The following ARHGAP24 variants were observed in gnomAD, a reference collection of about 807,000 sequenced individuals.
ARHGAP24 encodes Rho GTPase activating protein 24, also known as rho GTPase-activating protein 24.
In ARHGAP24, 50 loss-of-function variants were observed where a neutral mutation model predicts 76.4. The observed-to-expected ratio is 0.65, with a 90% CI of 0.52 to 0.83. The LOEUF (loss-of-function observed/expected upper bound fraction) is 0.83. Among genes scored for constraint, ARHGAP24 ranks in the 40% least tolerant of loss-of-function variants. The probability of loss-of-function intolerance (pLI) is 0.00; values close to 1 mark genes in which losing one functional copy is unlikely to be tolerated. For missense variants in ARHGAP24, 930 were observed against 914.2 expected (o/e 1.02, Z -0.22); for synonymous variants, 345 against 323.3 (o/e 1.07, Z -0.72).
intron 4 of ARHGAP24, among the ~76,000 whole-genome samples, chr4:85,934,026 C>A (rs1056084775): frequency 2.0e-5 from 3 of 152,194 alleles, no homozygotes; most frequent in Admixed American, 2.0e-4. Flanking sequence ...ATGTATGCAA[C>A]TTACTTTAAC....
intron 3 of ARHGAP24, among the ~76,000 whole-genome samples, chr4:85,828,651 T>C (rs1243051516): frequency 6.6e-6 from 1 of 152,176 alleles, no homozygotes; most frequent in Non-Finnish European, 1.5e-5. Context: ...ACATTCTGTG[T>C]ACACAGGACA....
chr4:85,669,835 A>C (rs1722765080), intron 2 of ARHGAP24, among the ~76,000 whole-genome samples: 1 of 151,792 alleles, frequency 6.6e-6, no homozygotes, highest in Non-Finnish European at 1.5e-5. Context: ...TCTACTATAA[A>C]GTACAATAAA....
intron 3 of ARHGAP24, among the ~76,000 whole-genome samples, chr4:85,833,227 A>G (rs1287910456): frequency 6.6e-6 from 1 of 152,090 alleles, no homozygotes; most frequent in African/African-American, 2.4e-5. Flanking sequence ...TTGATATGAC[A>G]ATGGAATGAC....
At chr4:85,497,055 C>T (rs1175627965) in intron 1 of ARHGAP24, among the ~76,000 whole-genome samples, 1 of 152,098 alleles carries the variant, frequency 6.6e-6, no homozygotes, top group Non-Finnish European at 1.5e-5. Flanking sequence ...TGAATTTGTA[C>T]ACTGTTGATA....
intron 2 of ARHGAP24, among the ~76,000 whole-genome samples, chr4:85,674,345 C>G (rs1256517496): frequency 1.3e-5 from 2 of 152,182 alleles, no homozygotes; most frequent in Admixed American, 1.3e-4. Flanking sequence ...AGTTCTCTAA[C>G]TCTCAAATTC....
intron 3 of ARHGAP24, among the ~76,000 whole-genome samples, chr4:85,872,729 C>T (rs1732611742): frequency 6.7e-6 from 1 of 148,954 alleles, no homozygotes; most frequent in East Asian, 2.1e-4. Context: ...ACCCAAATAG[C>T]TGGGATTACA....
chr4:85,823,849 T>TCCCTC (rs1031932060), intron 3 of ARHGAP24, among the ~76,000 whole-genome samples: 3 of 144,088 alleles, frequency 2.1e-5, no homozygotes, highest in African/African-American at 5.2e-5. Context: ...CTCCCTCCCT[T>TCCCTC]CCCTCCCCTC....
intron 3 of ARHGAP24, among the ~76,000 whole-genome samples, chr4:85,806,651 A>G (rs1282034093): frequency 1.3e-5 from 2 of 152,156 alleles, no homozygotes; most frequent in Non-Finnish European, 2.9e-5. Context: ...AAAAACATGC[A>G]CAAAAATGGG....
chr4:85,982,282 G>T (rs1739711521), intron 8 of ARHGAP24, among the ~76,000 whole-genome samples: 1 of 151,848 alleles, frequency 6.6e-6, no homozygotes, highest in Admixed American at 6.6e-5. Flanking sequence ...CCTCTTTTGT[G>T]GATAAGAAAC....
At chr4:85,861,930 C>G (rs777306473) in intron 3 of ARHGAP24, among the ~76,000 whole-genome samples, 1 of 152,098 alleles carries the variant, frequency 6.6e-6, no homozygotes, top group Non-Finnish European at 1.5e-5. Context: ...ATTCCCCAAA[C>G]TTAAGTCAAC....
Position 85,972,203 on chromosome 4 carries a change from G to T in ARHGAP24, c.732+35G>T, listed in dbSNP as rs1739028946. ...TGCATTTATTTCCAAATAAGCTTTT[G>T]TTTGGAATTTTTTTCTGTGTTCTTA... On this transcript the variant is annotated intron_variant, in intron 6 of 9. Transcript: ENST00000395184. 3 of 1,610,824 alleles carry T rather than the reference G, an allele frequency of 1.9e-6. No homozygotes were observed. The Middle Eastern group carries it at 5.0e-4, about 266-fold the overall frequency.
intron 2 of ARHGAP24, among the ~76,000 whole-genome samples, chr4:85,706,727 G>A (rs373281992): frequency 5.9e-5 from 9 of 151,638 alleles, no homozygotes; most frequent in East Asian, 5.8e-4. Flanking sequence ...CACCATGCCC[G>A]GCTAATTTTT....
chr4:85,547,293 A>C (rs1223150100), intron 1 of ARHGAP24, among the ~76,000 whole-genome samples: 1 of 152,174 alleles, frequency 6.6e-6, no homozygotes, highest in African/African-American at 2.4e-5. Context: ...GCTATTTTGC[A>C]ATATGTCCCT....
chr4:85,717,130 C>T (rs1461728513), intron 2 of ARHGAP24, among the ~76,000 whole-genome samples: 4 of 152,056 alleles, frequency 2.6e-5, no homozygotes, highest in South Asian at 4.1e-4. Flanking sequence ...ATGGTTTTGG[C>T]TCAAGTGCAT....
At chr4:85,744,647 C>T (rs998688257) in intron 3 of ARHGAP24, among the ~76,000 whole-genome samples, 1 of 152,130 alleles carries the variant, frequency 6.6e-6, no homozygotes, top group Non-Finnish European at 1.5e-5. Context: ...CCTCCACCCT[C>T]CACGCGTTAG....
At chr4:85,598,702 G>C (rs1438805302) in intron 2 of ARHGAP24, among the ~76,000 whole-genome samples, 1 of 150,184 alleles carries the variant, frequency 6.7e-6, no homozygotes, top group Non-Finnish European at 1.5e-5. Context: ...TAGGAACTTG[G>C]ATATTAATAT....
intron 2 of ARHGAP24, among the ~76,000 whole-genome samples, chr4:85,609,415 T>A (rs1720310579): frequency 6.6e-6 from 1 of 152,226 alleles, no homozygotes; most frequent in Non-Finnish European, 1.5e-5. Context: ...ATTACTCTGT[T>A]TCAGAACTGA....
intron 2 of ARHGAP24, among the ~76,000 whole-genome samples, chr4:85,615,802 T>A (rs1313721793): frequency 6.6e-6 from 1 of 152,208 alleles, no homozygotes; most frequent in Admixed American, 6.5e-5. Context: ...AAAGCTAGTT[T>A]TTCAATCAAT....
intron 2 of ARHGAP24, among the ~76,000 whole-genome samples, chr4:85,640,400 G>A (rs148087100): frequency 7.3e-4 from 111 of 152,236 alleles, no homozygotes; most frequent in African/African-American, 2.4e-3. Context: ...GCCCCTTGTG[G>A]CATGGCATGC....
Sources: gnomAD v4.1 joint callset for allele counts (sites outside exome capture counted in the v4.1 genomes callset) on GRCh38, gnomAD v4.1.1 for gene constraint, MANE v1.5 for transcripts, NCBI Gene and HGNC (gene_info 2026-07-23, HGNC 2026-07-21) for gene names.